Variants in ME3 observed in about 807,000 individuals in gnomAD.
ME3 encodes malic enzyme 3.
Under a neutral mutation model 68.9 loss-of-function variants are expected in ME3, and 48 were observed. The ratio of observed to expected loss-of-function variants is 0.70; its 90% CI spans 0.55 to 0.89. ME3 has a LOEUF of 0.89. ME3 is among the 40% of genes least tolerant of loss of function. The probability of loss-of-function intolerance (pLI) is 0.00; values close to 1 mark genes in which losing one functional copy is unlikely to be tolerated. For missense variants in ME3, 675 were observed against 797.4 expected, an observed-to-expected ratio of 0.85 and a Z score of 1.85; for synonymous variants, 320 against 318.8, an observed-to-expected ratio of 1.00 and a Z score of -0.04.
chr11:86,438,126 C>A (rs1948907452), downstream of ME3, among the ~76,000 whole-genome samples: 1 of 151,984 alleles, frequency 6.6e-6, no homozygotes, highest in South Asian at 2.1e-4. Context: ...TTATAGATGT[C>A]CTTCGTTAGG....
At chr11:86,528,520 C>A in intron 4 of ME3, among the ~76,000 whole-genome samples, 1 of 152,182 alleles carries the variant, frequency 6.6e-6, no homozygotes, top group Non-Finnish European at 1.5e-5. Context: ...TAGACATCTA[C>A]AGAACTCTCC....
At chr11:86,625,538 G>T (rs1943610356) in intron 2 of ME3, among the ~76,000 whole-genome samples, 1 of 152,144 alleles carries the variant, frequency 6.6e-6, no homozygotes, top group Admixed American at 6.5e-5. Flanking sequence ...GCTCTTACAG[G>T]TAACTGTTGG....
chr11:86,650,496 G>C (rs1728808005), intron 2 of ME3, among the ~76,000 whole-genome samples: 1 of 152,178 alleles, frequency 6.6e-6, no homozygotes, highest in African/African-American at 2.4e-5. Flanking sequence ...CACAGCAAAA[G>C]AAACTAGCAT....
intron 2 of ME3, among the ~76,000 whole-genome samples, chr11:86,651,733 A>C (rs1287353300): frequency 6.6e-6 from 1 of 152,242 alleles, no homozygotes; most frequent in Non-Finnish European, 1.5e-5. Flanking sequence ...CAATGGAATA[A>C]AGCTGGATGG....
intron 2 of ME3, among the ~76,000 whole-genome samples, chr11:86,665,034 G>T (rs1421257492): frequency 6.6e-6 from 1 of 152,222 alleles, no homozygotes; most frequent in South Asian, 2.1e-4. Context: ...CAGGGTGAAA[G>T]AAGGGGCCTT....
intron 6 of ME3, among the ~76,000 whole-genome samples, chr11:86,497,681 GAAGCC>G (rs1364863438): frequency 6.6e-6 from 1 of 152,146 alleles, no homozygotes; most frequent in Non-Finnish European, 1.5e-5. Flanking sequence ...AGAGAGGAAG[GAAGCC>G]CAAGCAGGGG....
intron 7 of ME3, among the ~76,000 whole-genome samples, chr11:86,480,998 C>T (rs1043851326): frequency 3.3e-5 from 5 of 152,066 alleles, no homozygotes; most frequent in Non-Finnish European, 7.4e-5. Flanking sequence ...GAGCTGGGGC[C>T]GCACAAGTTG....
chr11:86,458,775 C>G (rs979999824), intron 8 of ME3, among the ~76,000 whole-genome samples: 1 of 152,094 alleles, frequency 6.6e-6, no homozygotes, highest in Non-Finnish European at 1.5e-5. Flanking sequence ...TGACCCCCGA[C>G]AGCTGGAAAT....
intron 8 of ME3, among the ~76,000 whole-genome samples, chr11:86,461,072 C>T (rs1389857370): frequency 1.3e-5 from 2 of 152,218 alleles, no homozygotes; most frequent in Non-Finnish European, 2.9e-5. Context: ...GTGACACCCA[C>T]ACTGTTTCAG....
At chr11:86,518,006 G>C (rs577336557) in intron 4 of ME3, among the ~76,000 whole-genome samples, 1 of 152,316 alleles carries the variant, frequency 6.6e-6, no homozygotes, top group East Asian at 1.9e-4. Context: ...CCTAGGGCTT[G>C]GCATGTGGTA....
In ME3 at chr11:86,608,232, C is replaced by T. The variant is rs573121803; in HGVS notation, c.184-48409G>A. Reference sequence around the variant, plus strand: ...AGCTCATTATTTATGAAATGTTATTCCTGTTTCTTGCAGAGGGAGAAAGAA... The same window carrying T: ...AGCTCATTATTTATGAAATGTTATTTCTGTTTCTTGCAGAGGGAGAAAGAA... On this transcript the variant is annotated intron_variant, in intron 2 of 14. Transcript: ENST00000543262. 5.9e-5 allele frequency among the ~76,000 whole-genome samples: 9 copies of T among 152,146 alleles called. No homozygotes were observed. In the East Asian group the frequency reaches 1.5e-3, roughly 26 times the overall value.
chr11:86,515,972 G>A (rs1213379992), intron 4 of ME3, among the ~76,000 whole-genome samples: 1 of 152,042 alleles, frequency 6.6e-6, no homozygotes, highest in Non-Finnish European at 1.5e-5. Flanking sequence ...GGATCCCAAG[G>A]CACTAAACAT....
At chr11:86,546,672 G>C (rs11602862) in intron 4 of ME3, among the ~76,000 whole-genome samples, 1 of 152,112 alleles carries the variant, frequency 6.6e-6, no homozygotes, top group Non-Finnish European at 1.5e-5. Flanking sequence ...AACAACAGAT[G>C]CTGGAGAGGA....
chr11:86,590,829 G>A (rs1049361173), intron 2 of ME3, among the ~76,000 whole-genome samples: 2 of 152,234 alleles, frequency 1.3e-5, no homozygotes, highest in South Asian at 4.1e-4. Flanking sequence ...AAGCAGGCAA[G>A]GATTGTTCCA....
intron 4 of ME3, among the ~76,000 whole-genome samples, chr11:86,556,260 A>G (rs1358892414): frequency 1.3e-5 from 2 of 152,212 alleles, no homozygotes; most frequent in African/African-American, 4.8e-5. Context: ...ACAGGTAGAT[A>G]ATGAGAGAAA....
chr11:86,653,027 T>C (rs1258375465), intron 2 of ME3, among the ~76,000 whole-genome samples: 1 of 152,066 alleles, frequency 6.6e-6, no homozygotes, highest in Non-Finnish European at 1.5e-5. Context: ...AAGGGATCAA[T>C]TCAACAAGAA....
chr11:86,630,813 G>A (rs1330942982), intron 2 of ME3, among the ~76,000 whole-genome samples: 2 of 152,250 alleles, frequency 1.3e-5, no homozygotes, highest in Non-Finnish European at 2.9e-5. Flanking sequence ...TGAGGCCAGT[G>A]CCTGTGCAGT....
chr11:86,612,427 C>G (rs1368770537), intron 2 of ME3, among the ~76,000 whole-genome samples: 1 of 152,076 alleles, frequency 6.6e-6, no homozygotes, highest in Non-Finnish European at 1.5e-5. Context: ...GGTATATATC[C>G]AGTAATGGGA....
Position 86,672,031 on chromosome 11 carries a change from G to A in ME3, c.-14-73C>T, listed in dbSNP as rs568646950. ...GGACCCACGCGCGCTGCGGGGCACC[G>A]GGCCTGATCCGGGGACGCGCCCTCT... On this transcript the variant is annotated intron_variant, in intron 1 of 14. Transcript: ENST00000543262. 17 of 1,219,120 alleles carry A rather than the reference G, an allele frequency of 1.4e-5. 1 individual carries two copies. In the South Asian group the frequency reaches 3.4e-4, roughly 25 times the overall value. 75.5% of individuals were successfully genotyped at this position (1,219,120 alleles called of 1,614,324 possible).
Sources: gnomAD v4.1 joint callset for allele counts (sites outside exome capture counted in the v4.1 genomes callset) on GRCh38, gnomAD v4.1.1 for gene constraint, MANE v1.5 for transcripts, NCBI Gene and HGNC (gene_info 2026-07-23, HGNC 2026-07-21) for gene names.